Variants in CCDC171 observed in about 807,000 individuals in gnomAD.
CCDC171 encodes coiled-coil domain containing 171.
CCDC171 carries 177 observed loss-of-function variants against 168.2 expected under a neutral mutation model. The ratio of observed to expected loss-of-function variants is 1.05; its 90% CI spans 0.93 to 1.19. CCDC171 has a LOEUF of 1.19. CCDC171 is among the 50% of genes most tolerant of loss of function. CCDC171 has a pLI of 0.00. For synonymous variants in CCDC171, 687 were observed against 540.8 expected (o/e 1.27, Z -3.75); for missense variants, 1,991 against 1,539.0 (o/e 1.29, Z -4.91).
At chr9:16,105,200 T>C in the CCDC171 span, among the ~76,000 whole-genome samples, 1 of 152,170 alleles carries the variant, frequency 6.6e-6, no homozygotes, top group Non-Finnish European at 1.5e-5. Flanking sequence ...GTGTAAATAA[T>C]GGATATTAAT....
At chr9:15,661,736 C>G (rs1364940355) in intron 8 of CCDC171, among the ~76,000 whole-genome samples, 1 of 152,136 alleles carries the variant, frequency 6.6e-6, no homozygotes, top group Non-Finnish European at 1.5e-5. Flanking sequence ...AGAGTTGACT[C>G]AAATTTGTTA....
chr9:15,812,803 T>G (rs144394576), intron 21 of CCDC171, among the ~76,000 whole-genome samples: 2 of 152,316 alleles, frequency 1.3e-5, no homozygotes, highest in Non-Finnish European at 2.9e-5. Context: ...CCACTCTTCC[T>G]TTCTCTGAAT....
intron 11 of CCDC171, among the ~76,000 whole-genome samples, chr9:15,715,171 C>G (rs1368496075): frequency 6.6e-6 from 1 of 152,178 alleles, no homozygotes; most frequent in Non-Finnish European, 1.5e-5. Flanking sequence ...TAATATATTT[C>G]TCAAGCTTTG....
At chr9:16,027,038 A>G (rs1292724697) in intron 6 of CCDC171, among the ~76,000 whole-genome samples, 1 of 152,154 alleles carries the variant, frequency 6.6e-6, no homozygotes, top group Non-Finnish European at 1.5e-5. Flanking sequence ...CTATGCCTTG[A>G]TATTGCACTT....
chr9:16,078,969 A>T, the CCDC171 span, among the ~76,000 whole-genome samples: 3 of 152,224 alleles, frequency 2.0e-5, no homozygotes, highest in Non-Finnish European at 2.9e-5. Context: ...GGTCACCACT[A>T]GATATTTTCC....
At chr9:15,581,188 C>G (rs1177967703) in intron 4 of CCDC171, among the ~76,000 whole-genome samples, 1 of 152,110 alleles carries the variant, frequency 6.6e-6, no homozygotes, top group Non-Finnish European at 1.5e-5. Context: ...ACAATTGCTA[C>G]AAACAGAATA....
chr9:15,644,877 C>G (rs1404267949), intron 7 of CCDC171, among the ~76,000 whole-genome samples: 1 of 152,250 alleles, frequency 6.6e-6, no homozygotes, highest in Non-Finnish European at 1.5e-5. Flanking sequence ...CCCTGTCTGA[C>G]AGCTTTGAAG....
chr9:15,949,336 T>C (rs936432423), intron 25 of CCDC171, among the ~76,000 whole-genome samples: 1 of 152,172 alleles, frequency 6.6e-6, no homozygotes, highest in African/African-American at 2.4e-5. Context: ...AACTTTAAAG[T>C]AGTTTTTTCC....
At chr9:15,789,825 C>T (rs1448778105) in intron 21 of CCDC171, among the ~76,000 whole-genome samples, 2 of 146,756 alleles carry the variant, frequency 1.4e-5, no homozygotes, top group African/African-American at 2.5e-5. Context: ...TTGTTCAGTT[C>T]CCACCTACGA....
chr9:16,038,503 G>C (rs1228431863), upstream of CCDC171, among the ~76,000 whole-genome samples: 1 of 152,090 alleles, frequency 6.6e-6, no homozygotes, highest in East Asian at 1.9e-4. Context: ...AGTCAAGTAT[G>C]TGTGTTAAAA....
chr9:15,699,153 T>A (rs567758439), intron 11 of CCDC171, among the ~76,000 whole-genome samples: 1 of 152,046 alleles, frequency 6.6e-6, no homozygotes, highest in South Asian at 2.1e-4. Flanking sequence ...GTGTTCGGAG[T>A]TTCTTCCTTC....
the CCDC171 span, among the ~76,000 whole-genome samples, chr9:16,084,140 G>A: frequency 4.6e-5 from 7 of 152,298 alleles, no homozygotes; most frequent in Admixed American, 2.6e-4. Context: ...AATCTGTAAA[G>A]CAGAATACTT....
intron 25 of CCDC171, among the ~76,000 whole-genome samples, chr9:15,935,825 G>C (rs1827046385): frequency 6.6e-6 from 1 of 151,980 alleles, no homozygotes; most frequent in Non-Finnish European, 1.5e-5. Flanking sequence ...TTAAAATGTT[G>C]CCTATAAGGC....
chr9:15,590,767 CTTTCTCTT>C (rs1280844395), intron 4 of CCDC171, among the ~76,000 whole-genome samples: 7 of 113,642 alleles, frequency 6.2e-5, no homozygotes, highest in Non-Finnish European at 7.5e-5. Context: ...TTCTTTCTTT[CTTTCTCTT>C]TCTTTCTTTC....
the CCDC171 span, among the ~76,000 whole-genome samples, chr9:16,067,443 C>G: frequency 6.6e-6 from 1 of 152,142 alleles, no homozygotes; most frequent in Non-Finnish European, 1.5e-5. Flanking sequence ...GTTTCTTTTG[C>G]TGTGCAGAAG....
chr9:15,754,087 C>T (rs1297306126), intron 18 of CCDC171, among the ~76,000 whole-genome samples: 1 of 152,034 alleles, frequency 6.6e-6, no homozygotes, highest in African/African-American at 2.4e-5. Context: ...AACATATTTT[C>T]AGAAAGTTAA....
chr9:15,653,777 A>T (rs1017740322), intron 7 of CCDC171, among the ~76,000 whole-genome samples: 1 of 151,918 alleles, frequency 6.6e-6, no homozygotes, highest in Non-Finnish European at 1.5e-5. Flanking sequence ...AATTAAAAAA[A>T]TTTACTTAGT....
chr9:15,577,772 G>A (rs536835941), intron 3 of CCDC171, among the ~76,000 whole-genome samples: 2 of 152,314 alleles, frequency 1.3e-5, no homozygotes, highest in South Asian at 4.1e-4. Flanking sequence ...ATTAGAGCTA[G>A]AACTGGACAA....
chr9:16,055,008 G>A (rs916283257), intron 1 of CCDC171, among the ~76,000 whole-genome samples: 10 of 152,200 alleles, frequency 6.6e-5, no homozygotes, highest in African/African-American at 1.9e-4. Flanking sequence ...AAGCTGCTGC[G>A]GTGGCCAGGT....
Sources: gnomAD v4.1 joint callset for allele counts (sites outside exome capture counted in the v4.1 genomes callset) on GRCh38, gnomAD v4.1.1 for gene constraint, MANE v1.5 for transcripts, NCBI Gene and HGNC (gene_info 2026-07-23, HGNC 2026-07-21) for gene names.